The following PATJ variants were observed in gnomAD, a reference collection of about 807,000 sequenced individuals.
PATJ encodes the protein inaD-like protein.
A neutral mutation model predicts 224.9 loss-of-function variants in PATJ; 190 were observed. The ratio of observed to expected loss-of-function variants is 0.84; its 90% confidence interval spans 0.75 to 0.95. PATJ has a LOEUF of 0.95. PATJ is among the 40% of genes least tolerant of loss of function. The pLI, the probability that PATJ is intolerant of heterozygous loss-of-function variation, is 0.00. For synonymous variants in PATJ, 769 were observed against 820.3 expected (o/e 0.94, Z 1.07); for missense variants, 2,121 against 2,270.3 (o/e 0.93, Z 1.34).
chr1:62,091,998 G>C (rs984775631), intron 33 of PATJ, among the ~76,000 whole-genome samples: 3 of 150,752 alleles, frequency 2.0e-5, no homozygotes, highest in Admixed American at 1.3e-4. Context: ...GGAGGTTGCA[G>C]TGAGCCGAGA....
chr1:61,951,192 GA>G (rs936828622), intron 27 of PATJ, among the ~76,000 whole-genome samples: 9 of 148,360 alleles, frequency 6.1e-5, no homozygotes, highest in African/African-American at 9.8e-5. Context: ...AAAAAAAAAG[GA>G]AAAAAAAAGT....
At chr1:61,786,984 TCAAAA>T (rs139987321) in intron 7 of PATJ, among the ~76,000 whole-genome samples, 26,563 of 151,532 alleles carry the variant, frequency 0.18, 2,496 homozygotes, top group Non-Finnish European at 0.21. Flanking sequence ...AGATTCTGAC[TCAAAA>T]CAAAACAAAA....
chr1:61,903,359 A>G (rs1571210025), intron 24 of PATJ, among the ~76,000 whole-genome samples: 1 of 152,226 alleles, frequency 6.6e-6, no homozygotes, highest in Non-Finnish European at 1.5e-5. Flanking sequence ...AAAGCTTTTC[A>G]GCTTGAGGAA....
chr1:62,054,775 C>T (rs578113434), intron 31 of PATJ, among the ~76,000 whole-genome samples: 40 of 152,034 alleles, frequency 2.6e-4, no homozygotes, highest in Middle Eastern at 3.4e-3. Flanking sequence ...TAAGTTTTTT[C>T]GCGGGGTACG....
At chr1:62,067,436 C>T (rs971236036) in intron 31 of PATJ, among the ~76,000 whole-genome samples, 5 of 152,042 alleles carry the variant, frequency 3.3e-5, no homozygotes, top group Non-Finnish European at 5.9e-5. Context: ...CCCGATAATC[C>T]TATTTTTGTG....
intron 1 of PATJ, among the ~76,000 whole-genome samples, chr1:61,746,468 G>A (rs1472593683): frequency 6.6e-6 from 1 of 152,144 alleles, no homozygotes; most frequent in Non-Finnish European, 1.5e-5. Context: ...ATGAAAGGAG[G>A]GGCAGGAGAG....
intron 27 of PATJ, among the ~76,000 whole-genome samples, chr1:61,934,952 A>C (rs1676623937): frequency 6.6e-6 from 1 of 152,198 alleles, no homozygotes; most frequent in Non-Finnish European, 1.5e-5. Flanking sequence ...CTTTCCCCAC[A>C]TGCCATTTCC....
chr1:61,859,538 TCTCTCTCTCTCC>T (rs1228898415), intron 18 of PATJ, among the ~76,000 whole-genome samples: 7 of 152,064 alleles, frequency 4.6e-5, no homozygotes, highest in Non-Finnish European at 7.4e-5. Context: ...GGTGTCTCTC[TCTCTCTCTCTCC>T]CTCTCTCTCT....
intron 32 of PATJ, among the ~76,000 whole-genome samples, chr1:62,082,281 T>C: frequency 6.6e-6 from 1 of 152,342 alleles, no homozygotes; most frequent in Non-Finnish European, 1.5e-5. Context: ...GAACAAGATA[T>C]GTGAATACCC....
chr1:61,757,525 A>G (rs199697365), intron 1 of PATJ, among the ~76,000 whole-genome samples: 1 of 151,916 alleles, frequency 6.6e-6, no homozygotes, highest in East Asian at 1.9e-4. Flanking sequence ...AGCTGGGACT[A>G]CAGGCGTGCA....
intron 26 of PATJ, among the ~76,000 whole-genome samples, chr1:61,917,308 C>A (rs1673590851): frequency 6.6e-6 from 1 of 152,176 alleles, no homozygotes; most frequent in Non-Finnish European, 1.5e-5. Flanking sequence ...AGGTCTCTTT[C>A]ACTGCCATAG....
At chr1:61,826,526 C>A (rs1658299194) in intron 15 of PATJ, among the ~76,000 whole-genome samples, 1 of 152,190 alleles carries the variant, frequency 6.6e-6, no homozygotes, top group African/African-American at 2.4e-5. Context: ...GACAGATCAG[C>A]TCTTAGAGAC....
At chr1:61,755,654 A>G (rs1037415743) in intron 1 of PATJ, among the ~76,000 whole-genome samples, 3 of 152,322 alleles carry the variant, frequency 2.0e-5, no homozygotes, top group African/African-American at 7.2e-5. Context: ...GGACCCTTTC[A>G]AATTAGTCTA....
Position 61,936,432 on chromosome 1 carries a change from C to CAA in PATJ, c.3670+8621_3670+8622dup, listed in dbSNP as rs11455787. Among the ~76,000 whole-genome samples, 508 of 92,546 alleles carry CAA rather than the reference C, an allele frequency of 5.5e-3. 11 individuals are homozygous for CAA. The highest frequency in any genetic ancestry group is 0.032 in the South Asian group (76 of 2,348). 60.7% of individuals were successfully genotyped at this position (92,546 alleles called of 152,430 possible). A position where few individuals can be genotyped will look rare whatever the true frequency, so the allele number is the denominator to read the frequency against. ...CTCACCTCCTCTCCTCTTCCAAGACCAAAAAAAAAAAAAAAAAAAGCCGGA... is the reference window on the plus strand; with the variant it reads ...CTCACCTCCTCTCCTCTTCCAAGACCAAAAAAAAAAAAAAAAAAAAAGCCGGA... On this transcript the variant is annotated intron_variant, in intron 27 of 43. Transcript: ENST00000642238.
intron 24 of PATJ, among the ~76,000 whole-genome samples, chr1:61,907,239 G>A (rs1671981348): frequency 1.3e-5 from 2 of 152,170 alleles, no homozygotes; most frequent in Non-Finnish European, 2.9e-5. Flanking sequence ...TGAGAACAAA[G>A]TAATACAACA....
chr1:61,796,822 TTCC>T (rs1651410512), intron 10 of PATJ, among the ~76,000 whole-genome samples: 1 of 148,720 alleles, frequency 6.7e-6, no homozygotes, highest in Non-Finnish European at 1.5e-5. Flanking sequence ...CCTTCCTTCC[TTCC>T]TTCCCTCCCT....
chr1:61,947,304 T>C (rs1463566171), intron 27 of PATJ, among the ~76,000 whole-genome samples: 1 of 152,194 alleles, frequency 6.6e-6, no homozygotes, highest in Non-Finnish European at 1.5e-5. Context: ...GACATGATTG[T>C]ATATTTAGAA....
chr1:61,805,429 CT>C lies in PATJ; in HGVS notation c.1550-10del, dbSNP rs752748416. On this transcript the variant is annotated intron_variant, in intron 12 of 43. Transcript: ENST00000642238. The stretch of plus-strand genomic sequence containing the variant: ...GTTTCAACATTCTCTCGCTCTCTCT[CT>C]TTTTTTTTAATATCCAGAAAAAGTC... The C allele has an allele frequency of 1.1e-3, 1,564 of 1,471,180 alleles. No individual in the cohort carries two copies. The highest frequency in any genetic ancestry group is 1.2e-3 in the Non-Finnish European group (1,289 of 1,061,352). 91.1% of individuals were successfully genotyped at this position (1,471,180 alleles called of 1,614,324 possible).
chr1:61,920,952 C>T (rs1177362302), intron 26 of PATJ, among the ~76,000 whole-genome samples: 2 of 152,110 alleles, frequency 1.3e-5, no homozygotes, highest in African/African-American at 2.4e-5. Flanking sequence ...GTGATCCACC[C>T]GCCTCAGCCT....
Sources: gnomAD v4.1 joint callset for allele counts (sites outside exome capture counted in the v4.1 genomes callset) on GRCh38, gnomAD v4.1.1 for gene constraint, MANE v1.5 for transcripts, NCBI Gene and HGNC (gene_info 2026-07-23, HGNC 2026-07-21) for gene names.